Variants in TIMELESS observed in about 807,000 individuals in gnomAD.
TIMELESS encodes the protein protein timeless homolog.
A neutral mutation model predicts 164.3 loss-of-function variants in TIMELESS; 124 were observed. That is an observed-to-expected ratio of 0.75 (90% CI 0.65 to 0.88). The LOEUF (loss-of-function observed/expected upper bound fraction) is 0.88, where lower values mean the gene tolerates loss of function less well. TIMELESS is among the 40% of genes least tolerant of loss of function. The pLI, the probability that TIMELESS is intolerant of heterozygous loss-of-function variation, is 0.00. For missense variants in TIMELESS, 1,422 were observed against 1,491.4 expected, an observed-to-expected ratio of 0.95 and a Z score of 0.77; for synonymous variants, 564 against 563.4, an observed-to-expected ratio of 1.00 and a Z score of -0.02.
At chr12:56,436,976 G>T (rs1279052588) in intron 1 of TIMELESS, among the ~76,000 whole-genome samples, 2 of 151,828 alleles carry the variant, frequency 1.3e-5, no homozygotes, top group Non-Finnish European at 2.9e-5. Context: ...TGTTGCCCAG[G>T]CTGGAGTGTA....
At chr12:56,425,180 T>A (rs1261148569) in intron 13 of TIMELESS, 28 bp from the exon 14 acceptor site, 12 of 1,584,390 alleles carry the variant, frequency 7.6e-6, no homozygotes, top group Middle Eastern at 3.3e-4. Flanking sequence ...TATTAGGATG[T>A]CAAGAGAGCT....
In TIMELESS at chr12:56,431,598, C is replaced by T. The variant is rs573398564; in HGVS notation, c.694G>A (p.Glu232Lys). 21 of 1,611,536 alleles carry T rather than the reference C, an allele frequency of 1.3e-5. No homozygotes were observed. The highest frequency in any genetic ancestry group is 1.2e-4 in the Admixed American group (7 of 58,986). Residue 232 changes from glutamate (E) to lysine (K), a missense_variant, in exon 8 of 29, where the codon GAG becomes AAG. By Grantham distance (56) the Glu-to-Lys change is moderately conservative (BLOSUM62 1). Transcript: ENST00000553532. ...VSLMFRDQNPEQLAGVGQGRL... is the reference protein window; with the variant it reads ...VSLMFRDQNPKQLAGVGQGRL... ...CCCTGCCCTACTCCCGCCAGCTGCT[C>T]GGGGTTCTAGATTGGAACAAAGAGG... is the stretch of plus-strand genomic sequence containing the variant.
At chr12:56,422,392 T>A (rs1393283238) in intron 19 of TIMELESS, among the ~76,000 whole-genome samples, 1 of 152,156 alleles carries the variant, frequency 6.6e-6, no homozygotes, top group Non-Finnish European at 1.5e-5. Flanking sequence ...CTAAGAGATT[T>A]TCCAGGTTGG....
intron 19 of TIMELESS, among the ~76,000 whole-genome samples, chr12:56,422,398 G>A (rs1330519715): frequency 6.6e-6 from 1 of 152,144 alleles, no homozygotes; most frequent in Non-Finnish European, 1.5e-5. Flanking sequence ...GATTTTCCAG[G>A]TTGGGCCAAT....
chr12:56,422,865 T>C lies in TIMELESS; in HGVS notation c.2420A>G (p.Tyr807Cys), dbSNP rs768081812. The C allele has an allele frequency of 2.6e-5, 36 of 1,375,746 alleles. No homozygotes were observed. The East Asian group carries it at 8.4e-4, about 32-fold the overall frequency. The allele number at this position is 1,375,746 out of a possible 1,614,324, so 85.2% of individuals were successfully genotyped here. ...AGCTCACCTGTCATCCAGGGAGCCA[T>C]AGCCCTCAGTCATCTCTCGAACCAC... ...TAVVREMTEG[Y>C]GSLDDRSSSR... The change falls in exon 19 of 29, where the codon TAT becomes TGT. Residue 807 changes from tyrosine to cysteine, a missense_variant. Tyr to Cys is a radical substitution (Grantham distance 194, BLOSUM62 -2). Coordinates refer to ENST00000553532, the MANE Select transcript of TIMELESS (RefSeq NM_003920.5).
chr12:56,439,632 A>G (rs1413693073), intron 1 of TIMELESS, among the ~76,000 whole-genome samples: 3 of 152,086 alleles, frequency 2.0e-5, no homozygotes, highest in Non-Finnish European at 4.4e-5. Context: ...GACTGGCCTC[A>G]AGCAATCCTC....
intron 26 of TIMELESS, among the ~76,000 whole-genome samples, chr12:56,420,109 T>G (rs1881417182): frequency 6.9e-6 from 1 of 144,574 alleles, no homozygotes; most frequent in Admixed American, 7.1e-5. Context: ...ATATATATAT[T>G]TACAATACAG....
At chr12:56,446,390 C>G (rs2136157621) in intron 1 of TIMELESS, among the ~76,000 whole-genome samples, 1 of 152,246 alleles carries the variant, frequency 6.6e-6, no homozygotes, top group East Asian at 1.9e-4. Context: ...GCATGCATTA[C>G]TATACAAAAC....
At chr12:56,447,190 T>A (rs577495130) in intron 1 of TIMELESS, among the ~76,000 whole-genome samples, 2 of 69,286 alleles carry the variant, frequency 2.9e-5, no homozygotes, top group Admixed American at 2.6e-4. Flanking sequence ...TTGTTTTTTT[T>A]TTTTTTTTTT....
intron 1 of TIMELESS, among the ~76,000 whole-genome samples, chr12:56,447,342 G>A (rs1868373768): frequency 6.6e-6 from 1 of 152,050 alleles, no homozygotes; most frequent in South Asian, 2.1e-4. Context: ...TATGTTAACT[G>A]CACGAAAACG....
intron 1 of TIMELESS, among the ~76,000 whole-genome samples, chr12:56,447,706 G>C (rs1017271059): frequency 6.6e-6 from 1 of 152,156 alleles, no homozygotes; most frequent in African/African-American, 2.4e-5. Flanking sequence ...ACCTTTTATT[G>C]ATCTTTTATT....
intron 7 of TIMELESS, among the ~76,000 whole-genome samples, chr12:56,431,899 CTATA>C (rs765935571): frequency 2.6e-5 from 4 of 151,138 alleles, no homozygotes; most frequent in African/African-American, 7.3e-5. Context: ...TATATATGTG[CTATA>C]TATATAGTTA....
Position 56,434,119 on chromosome 12 carries a change from C to T in TIMELESS, c.52G>A (p.Gly18Arg), listed in dbSNP as rs1483851177. The T allele has an allele frequency of 6.2e-7, 1 of 1,614,168 alleles. No homozygotes were observed. Among genetic ancestry groups the T allele is most frequent in the South Asian group, 1.1e-5 (1 of 91,082 alleles). The change falls in exon 2 of 29, where the codon GGG becomes AGG. Residue 18 changes from glycine (G) to arginine (R), a missense_variant. Transcript: ENST00000553532. ...TGGTAAGTGTCTCCCTCCAAGTACCCAAGGGCACTACATGTGGCTAGAAGT... is the reference window on the plus strand; with the variant it reads ...TGGTAAGTGTCTCCCTCCAAGTACCTAAGGGCACTACATGTGGCTAGAAGT... ...CELLATCSAL[G>R]YLEGDTYHKE...
intron 10 of TIMELESS, 131 bp downstream of exon 10, chr12:56,429,974 C>G: frequency 3.7e-6 from 3 of 808,898 alleles, no homozygotes; most frequent in Non-Finnish European, 5.6e-6. Flanking sequence ...ACTGTATATC[C>G]TTCCCACCTA....
rs187261692 is a variant in TIMELESS at position 56,442,017 on chromosome 12, G to A, written c.-62+7293C>T. On this transcript the variant is annotated intron_variant, in intron 1 of 28. Transcript: ENST00000553532. ...GAGAATCACTTGAACCAGGGAGGTG[G>A]AGGTTACAGTGAGTTGAGATCGTGC... Among the ~76,000 whole-genome samples, 1,104 of 144,704 alleles carry A rather than the reference G, an allele frequency of 7.6e-3. 8 individuals are homozygous for A. Among genetic ancestry groups the A allele is most frequent in the Non-Finnish European group, 0.011 (739 of 66,832 alleles). The allele number at this position is 144,704 out of a possible 152,430, so 94.9% of individuals were successfully genotyped here.
At chr12:56,448,372 C>T (rs561976239) in intron 1 of TIMELESS, among the ~76,000 whole-genome samples, 13 of 151,526 alleles carry the variant, frequency 8.6e-5, no homozygotes, top group Admixed American at 7.2e-4. Flanking sequence ...GACCACTGCA[C>T]TCCAGCCTGG....
In TIMELESS at chr12:56,423,763, TGGAA is replaced by T. The variant is rs1486586743; in HGVS notation, c.1966+30_1966+33del. On this transcript the variant is annotated intron_variant, in intron 16 of 28. Coordinates refer to ENST00000553532, the MANE Select transcript of TIMELESS (RefSeq NM_003920.5). The stretch of plus-strand genomic sequence containing the variant: ...TGTTATGTTGGTGCTAGAAAAGAGC[TGGAA>T]GGAGACAGATGTGAAGGGTGGAGAC... 4 of 1,614,012 alleles carry T rather than the reference TGGAA, an allele frequency of 2.5e-6. No homozygotes were observed. In the East Asian group the frequency reaches 6.7e-5, roughly 27 times the overall value.
At chr12:56,422,769 C>T in intron 19 of TIMELESS, 78 bp downstream of exon 19, 5 of 1,472,676 alleles carry the variant, frequency 3.4e-6, no homozygotes, top group Non-Finnish European at 4.6e-6. Context: ...CATGCAAGCT[C>T]TTAACAGCTT....
intron 1 of TIMELESS, among the ~76,000 whole-genome samples, chr12:56,444,353 C>A (rs17118647): frequency 0.074 from 11,195 of 152,170 alleles, 1,340 homozygotes; most frequent in African/African-American, 0.25. Context: ...GGTTATCAGA[C>A]ATGAACTCTC....
Sources: allele counts gnomAD v4.1 joint callset (sites outside exome capture counted in the v4.1 genomes callset), GRCh38; gene constraint gnomAD v4.1.1; transcripts MANE v1.5; gene names NCBI Gene and HGNC (gene_info 2026-07-23, HGNC 2026-07-21).